The following GNG4 variants were observed in gnomAD, a reference collection of about 807,000 sequenced individuals.
GNG4 encodes guanine nucleotide-binding protein G(I)/G(S)/G(O) subunit gamma-4.
GNG4 carries 4 observed loss-of-function variants against 5.8 expected under a neutral mutation model. The observed-to-expected ratio is 0.69, with a 90% confidence interval of 0.34 to 1.57. GNG4 has a LOEUF of 1.57. Among genes scored for constraint, GNG4 ranks in the 40% most tolerant of loss-of-function variants. GNG4 has a pLI of 0.06. For synonymous variants in GNG4, 29 were observed against 32.9 expected, an observed-to-expected ratio of 0.88 and a Z score of 0.41; for missense variants, 96 against 95.1, an observed-to-expected ratio of 1.01 and a Z score of -0.04.
rs1481968316 is a variant in GNG4, at chr1:235,549,364, C to T, written c.*2745G>A. The T allele has an allele frequency of 6.6e-6, 1 of 152,238 alleles. No individual in the cohort carries two copies. Among genetic ancestry groups the T allele is most frequent in the East Asian group, 1.9e-4 (1 of 5,202 alleles). 9.4% of individuals were successfully genotyped at this position (152,238 alleles called of 1,614,324 possible). On this transcript the variant is annotated 3_prime_UTR_variant, in exon 4 of 4. Transcript: ENST00000391854. ...GGAGGAAAAGGAAAAGGAGAGAGAA[C>T]AAAACGGAGGCTGAATCTGGAGGGA...
At chr1:235,587,242 G>GTGGGGTA (rs1687786622) in intron 2 of GNG4, among the ~76,000 whole-genome samples, 2 of 45,788 alleles carry the variant, frequency 4.4e-5, no homozygotes, top group Non-Finnish European at 7.7e-5. Flanking sequence ...TGTGTGAGGT[G>GTGGGGTA]GGGTGTGTGT....
rs1413399946 is a variant in GNG4, at chr1:235,549,569, C to A, written c.*2540G>T. ...GACGTGAAGCACAGAATAAAGAGATCCTGGTCATAACTGCACTATCAAAGG... is the reference window on the plus strand; with the variant it reads ...GACGTGAAGCACAGAATAAAGAGATACTGGTCATAACTGCACTATCAAAGG... On this transcript the variant is annotated 3_prime_UTR_variant, in exon 4 of 4. Coordinates refer to ENST00000391854, the MANE Select transcript of GNG4 (RefSeq NM_001098722.2). 9 of 152,160 alleles carry A rather than the reference C, an allele frequency of 5.9e-5. No individual in the cohort carries two copies. The highest frequency in any genetic ancestry group is 5.2e-4 in the Admixed American group (8 of 15,270). 9.4% of individuals were successfully genotyped at this position (152,160 alleles called of 1,614,324 possible).
At position 235,648,023 on chromosome 1, in the gene GNG4, C is replaced by G. The variant is rs181201209; in HGVS notation, c.-123+1639G>C. 9.0e-3 allele frequency among the ~76,000 whole-genome samples: 1,330 copies of G among 147,282 alleles called. 26 individuals are homozygous for G. Among genetic ancestry groups the G allele is most frequent in the African/African-American group, 0.031 (1,271 of 40,352 alleles). On this transcript the variant is annotated intron_variant, in intron 1 of 3. Transcript: ENST00000391854. This position sits in a 1 kb window ranked among gnomAD's most constrained non-coding sequence, Gnocchi z 5.0. The stretch of plus-strand genomic sequence containing the variant: ...AACTGTAAAGTGAATCTAGGAAAAG[C>G]TTTTTTTTTTTCTGGTTTCTCCACC...
At chr1:235,587,330 TGTGAGAGC>T in intron 2 of GNG4, among the ~76,000 whole-genome samples, 1 of 88,190 alleles carries the variant, frequency 1.1e-5, no homozygotes, top group African/African-American at 4.9e-5. Flanking sequence ...TGTGTGAGAG[TGTGAGAGC>T]ATGTATGAGG....
chr1:235,604,248 T>G (rs1688311565), intron 1 of GNG4, among the ~76,000 whole-genome samples: 1 of 152,214 alleles, frequency 6.6e-6, no homozygotes, highest in South Asian at 2.1e-4. Flanking sequence ...CCTTACAGTC[T>G]AGAATGAATT....
intron 1 of GNG4, among the ~76,000 whole-genome samples, chr1:235,640,218 C>T (rs369994572): frequency 2.6e-5 from 4 of 152,080 alleles, no homozygotes; most frequent in African/African-American, 9.6e-5. Context: ...CCACGAGGAG[C>T]GGGAGAGGCT....
At chr1:235,634,147 C>G (rs1688984724) in intron 1 of GNG4, among the ~76,000 whole-genome samples, 1 of 152,178 alleles carries the variant, frequency 6.6e-6, no homozygotes, top group Non-Finnish European at 1.5e-5. Context: ...CCCTCCACCC[C>G]TGCACCAGGA....
chr1:235,579,862 A>AAAAAAAAAAAAAAAAAAAAC (rs57019025), intron 3 of GNG4, among the ~76,000 whole-genome samples: 1 of 108,580 alleles, frequency 9.2e-6, no homozygotes, highest in African/African-American at 3.8e-5. Context: ...CAAAAAAAAA[A>AAAAAAAAAAAAAAAAAAAAC]AGGTAAAAAG....
chr1:235,562,401 C>T (rs1031214770), intron 3 of GNG4, among the ~76,000 whole-genome samples: 2 of 152,030 alleles, frequency 1.3e-5, no homozygotes, highest in African/African-American at 4.8e-5. Context: ...AATCCCAGCA[C>T]TTTGGGAGGT....
intron 3 of GNG4, among the ~76,000 whole-genome samples, chr1:235,554,876 G>A (rs537262624): frequency 2.7e-5 from 4 of 148,478 alleles, no homozygotes; most frequent in Admixed American, 6.7e-5. Flanking sequence ...AGAACGTCTC[G>A]TCTGACTATC....
chr1:235,562,052 G>GTTGAAAAGACTAT (rs1687076198), intron 3 of GNG4, among the ~76,000 whole-genome samples: 1 of 152,160 alleles, frequency 6.6e-6, no homozygotes, highest in Non-Finnish European at 1.5e-5. Flanking sequence ...TACAGTATTT[G>GTTGAAAAGACTAT]TTGAAAAGAC....
At chr1:235,610,636 T>C (rs1688458190) in intron 1 of GNG4, among the ~76,000 whole-genome samples, 1 of 152,186 alleles carries the variant, frequency 6.6e-6, no homozygotes, top group South Asian at 2.1e-4. Context: ...TCCTGTGTCT[T>C]TCTCGAATGT....
intron 1 of GNG4, among the ~76,000 whole-genome samples, chr1:235,619,943 C>T (rs1688671255): frequency 6.6e-6 from 1 of 152,088 alleles, no homozygotes; most frequent in Non-Finnish European, 1.5e-5. Context: ...GAGAGGAGCT[C>T]AAAAATATAA....
intron 1 of GNG4, among the ~76,000 whole-genome samples, chr1:235,600,874 C>A (rs1688244329): frequency 6.6e-6 from 1 of 152,262 alleles, no homozygotes. Context: ...CATGAGCTAA[C>A]TGGGAGCCCC....
intron 1 of GNG4, among the ~76,000 whole-genome samples, chr1:235,640,741 G>A (rs923813035): frequency 2.3e-4 from 35 of 152,168 alleles, no homozygotes; most frequent in Admixed American, 5.2e-4. Context: ...CCAGCCTCTC[G>A]GGGCCACCAC....
At chr1:235,594,521 C>T (rs1688074741) in intron 2 of GNG4, among the ~76,000 whole-genome samples, 1 of 152,184 alleles carries the variant, frequency 6.6e-6, no homozygotes, top group Non-Finnish European at 1.5e-5. Flanking sequence ...GTGCAGGAGC[C>T]CATGGTGGTG....
At chr1:235,592,751 C>T (rs556760294) in intron 2 of GNG4, among the ~76,000 whole-genome samples, 3 of 152,262 alleles carry the variant, frequency 2.0e-5, no homozygotes, top group South Asian at 4.1e-4. Context: ...TTACCTGTAA[C>T]TTCTTTCCTG....
chr1:235,638,439 T>A (rs1657198907), intron 1 of GNG4, among the ~76,000 whole-genome samples: 1 of 151,224 alleles, frequency 6.6e-6, no homozygotes, highest in Admixed American at 6.6e-5. Context: ...CCTTTTCCAG[T>A]GTCTACAGCC....
chr1:235,595,889 T>C (rs1688110595), intron 1 of GNG4, among the ~76,000 whole-genome samples: 1 of 147,852 alleles, frequency 6.8e-6, no homozygotes, highest in Non-Finnish European at 1.5e-5. Flanking sequence ...AAATATACAC[T>C]TGGGGCCGGG....
Sources: allele counts gnomAD v4.1 joint callset (sites outside exome capture counted in the v4.1 genomes callset), GRCh38; gene constraint gnomAD v4.1.1; non-coding constraint Gnocchi (gnomAD v3.1); transcripts MANE v1.5; gene names NCBI Gene and HGNC (gene_info 2026-07-23, HGNC 2026-07-21).